Variants in UNC13C observed in about 807,000 individuals in gnomAD.
UNC13C encodes unc-13 homolog C.
Under a neutral mutation model 245.4 loss-of-function variants are expected in UNC13C, and 174 were observed. The ratio of observed to expected loss-of-function variants is 0.71; its 90% CI spans 0.63 to 0.80. UNC13C has a LOEUF of 0.80. Ranked by LOEUF, UNC13C falls within the 30% of genes least tolerant of loss-of-function variation. The pLI, the probability that UNC13C is intolerant of heterozygous loss-of-function variation, is 0.00. For missense variants in UNC13C, 2,829 were observed against 2,602.9 expected (o/e 1.09, Z -1.89); for synonymous variants, 992 against 895.1 (o/e 1.11, Z -1.93).
intron 19 of UNC13C, among the ~76,000 whole-genome samples, chr15:54,427,860 A>G (rs2040791490): frequency 6.6e-6 from 1 of 151,732 alleles, no homozygotes; most frequent in African/African-American, 2.4e-5. Context: ...GCATGTCTGA[A>G]ACTACCTCTG....
the UNC13C span, among the ~76,000 whole-genome samples, chr15:53,853,603 T>C: frequency 6.6e-6 from 1 of 152,200 alleles, no homozygotes; most frequent in Admixed American, 6.5e-5. Flanking sequence ...TAATTTATAC[T>C]CCCACCAAGG....
At chr15:53,973,161 A>G in the UNC13C span, among the ~76,000 whole-genome samples, 1 of 152,184 alleles carries the variant, frequency 6.6e-6, no homozygotes, top group African/African-American at 2.4e-5. Flanking sequence ...ACTCTGAATC[A>G]AAGAATGGCT....
In UNC13C at chr15:54,187,445, CT is replaced by C. The variant is rs57108265; in HGVS notation, c.3071+43762del. ...CCATTAATAAAAAGGCCTGACCCTT[CT>C]CAATAACTCTTTAGTTTTGCTCTTT... On this transcript the variant is annotated intron_variant, in intron 4 of 32. Transcript: ENST00000260323. Among the ~76,000 whole-genome samples the C allele has an allele frequency of 1.4e-3, 161 of 111,854 alleles. 1 individual carries two copies. Among genetic ancestry groups the C allele is most frequent in the African/African-American group, 4.0e-3 (152 of 37,716 alleles). The allele number at this position is 111,854 out of a possible 152,430, so 73.4% of individuals were successfully genotyped here.
intron 2 of UNC13C, among the ~76,000 whole-genome samples, chr15:54,142,804 T>G (rs563549376): frequency 6.6e-6 from 1 of 152,330 alleles, no homozygotes; most frequent in East Asian, 1.9e-4. Context: ...CTGTAATCAC[T>G]TTTATACTTT....
At chr15:54,349,133 A>T (rs1229766219) in intron 17 of UNC13C, among the ~76,000 whole-genome samples, 1 of 148,670 alleles carries the variant, frequency 6.7e-6, no homozygotes, top group African/African-American at 2.4e-5. Context: ...TATATAAAAT[A>T]TCATTTGATA....
the UNC13C span, among the ~76,000 whole-genome samples, chr15:53,929,314 G>C: frequency 4.6e-5 from 7 of 152,172 alleles, no homozygotes; most frequent in Non-Finnish European, 1.0e-4. Flanking sequence ...AAATATGGGA[G>C]CTACAATTCC....
intron 4 of UNC13C, among the ~76,000 whole-genome samples, chr15:54,204,175 A>G (rs1231467050): frequency 6.6e-6 from 1 of 151,698 alleles, no homozygotes. Flanking sequence ...ATAAAATACT[A>G]CACATTGGGT....
chr15:54,374,970 C>T (rs1439774364), intron 17 of UNC13C, among the ~76,000 whole-genome samples: 1 of 152,204 alleles, frequency 6.6e-6, no homozygotes, highest in African/African-American at 2.4e-5. Context: ...AAATAAACCA[C>T]AGTTTACTAA....
intron 4 of UNC13C, among the ~76,000 whole-genome samples, chr15:54,176,105 T>C (rs1238726952): frequency 6.6e-6 from 1 of 152,222 alleles, no homozygotes; most frequent in Non-Finnish European, 1.5e-5. Flanking sequence ...TTCAACTTTA[T>C]GAAATTTGTT....
intron 13 of UNC13C, among the ~76,000 whole-genome samples, chr15:54,311,113 G>A (rs2037860842): frequency 6.6e-6 from 1 of 151,584 alleles, no homozygotes; most frequent in Non-Finnish European, 1.5e-5. Context: ...ACCAAACTGG[G>A]GAAAAAATTA....
intron 2 of UNC13C, among the ~76,000 whole-genome samples, chr15:54,114,821 T>C (rs939701848): frequency 1.3e-5 from 2 of 152,174 alleles, no homozygotes; most frequent in African/African-American, 4.8e-5. Context: ...CATGAATGTT[T>C]CCATGCATAA....
Position 53,978,763 on chromosome 15 carries a change from C to A in UNC13C, c.-421C>A, listed in dbSNP as rs560453777. Among the ~76,000 whole-genome samples, 79 of 152,162 alleles carry A rather than the reference C, an allele frequency of 5.2e-4. No individual in the cohort carries two copies. Among genetic ancestry groups the A allele is most frequent in the African/African-American group, 1.8e-3 (76 of 41,518 alleles). ...GATTGCACGAGTCGGATCCCTGGGA[C>A]GCAGCTTCCACTCCTGTTCTAACTA... On this transcript the variant is annotated 5_prime_UTR_variant, in exon 1 of 33. Transcript: ENST00000260323.
At chr15:54,177,808 A>G (rs1003365240) in intron 4 of UNC13C, among the ~76,000 whole-genome samples, 12 of 152,164 alleles carry the variant, frequency 7.9e-5, no homozygotes, top group African/African-American at 2.7e-4. Context: ...TTAGTAAAAT[A>G]GAACAGCCAT....
intron 19 of UNC13C, among the ~76,000 whole-genome samples, chr15:54,454,917 C>CCCAA (rs368210365): frequency 6.6e-6 from 1 of 151,628 alleles, no homozygotes; most frequent in African/African-American, 2.4e-5. Context: ...GCACCCATCA[C>CCCAA]GTCAGTAGTA....
At chr15:54,234,400 T>C (rs1394702521) in intron 4 of UNC13C, among the ~76,000 whole-genome samples, 1 of 152,188 alleles carries the variant, frequency 6.6e-6, no homozygotes, top group Non-Finnish European at 1.5e-5. Context: ...CAATATGCTA[T>C]TGATGAACAT....
At chr15:54,195,238 A>C (rs550556019) in intron 4 of UNC13C, among the ~76,000 whole-genome samples, 1 of 152,062 alleles carries the variant, frequency 6.6e-6, no homozygotes, top group Non-Finnish European at 1.5e-5. Flanking sequence ...AAAAGCCTAC[A>C]CTCTAAGAAG....
rs550013927 is a variant in UNC13C at position 54,257,265 on chromosome 15, T to A, written c.3448+6821T>A. Among the ~76,000 whole-genome samples the A allele has an allele frequency of 9.3e-4, 142 of 152,318 alleles. No individual in the cohort carries two copies. In the South Asian group the frequency reaches 0.029, roughly 32 times the overall value. The stretch of plus-strand genomic sequence containing the variant: ...TTGCTTAGTAAAAATATTTTGAAAA[T>A]TGAGCACATTTTGAATCATAATTAA... On this transcript the variant is annotated intron_variant, in intron 8 of 32. Coordinates refer to ENST00000260323, the MANE Select transcript of UNC13C (RefSeq NM_001080534.3).
intron 11 of UNC13C, 97 bp from the exon 12 acceptor site, chr15:54,297,714 C>T (rs917402126): frequency 1.0e-5 from 9 of 860,102 alleles, no homozygotes; most frequent in East Asian, 5.3e-5. Context: ...CTACTTAAGC[C>T]GTTTTTTTGT....
chr15:53,905,470 G>A, the UNC13C span, among the ~76,000 whole-genome samples: 2 of 147,620 alleles, frequency 1.4e-5, no homozygotes, highest in Admixed American at 1.4e-4. Flanking sequence ...AGAAAATCCT[G>A]AACATGAATG....
Sources: gnomAD v4.1 joint callset for allele counts (sites outside exome capture counted in the v4.1 genomes callset) on GRCh38, gnomAD v4.1.1 for gene constraint, MANE v1.5 for transcripts, NCBI Gene and HGNC (gene_info 2026-07-23, HGNC 2026-07-21) for gene names.